ESRRG: variants seen among roughly 807,000 people sequenced by gnomAD.
ESRRG encodes the protein estrogen related receptor gamma.
Under a neutral mutation model 44.0 loss-of-function variants are expected in ESRRG, and 13 were observed. The observed-to-expected ratio is 0.30, with a 90% CI of 0.19 to 0.47. The LOEUF (loss-of-function observed/expected upper bound fraction) is 0.47, where lower values mean the gene tolerates loss of function less well. ESRRG is among the 20% of genes least tolerant of loss of function. The pLI, the probability that ESRRG is intolerant of heterozygous loss-of-function variation, is 1.00. For synonymous variants in ESRRG, 215 were observed against 214.6 expected (o/e 1.00, Z -0.02); for missense variants, 395 against 580.6 (o/e 0.68, Z 3.29).
chr1:216,703,623 G>A (rs2081871020), intron 1 of ESRRG, among the ~76,000 whole-genome samples: 2 of 151,002 alleles, frequency 1.3e-5, no homozygotes, highest in South Asian at 4.2e-4. Flanking sequence ...AATAGACAAT[G>A]GCTTTTTTTA....
rs869154870 is a variant in ESRRG, at chr1:217,002,332, AAAAG to A, written c.-105-62663_-105-62660del. On this transcript the variant is annotated intron_variant, in intron 1 of 7. Transcript: ENST00000359162. ...AAAAAAAAGAAAGAAAGAAAAAAAA[AAAAG>A]AAAGAAAGAAAAGAAAAGAAAGAAA... Among the ~76,000 whole-genome samples the A allele has an allele frequency of 1.5e-4, 17 of 113,702 alleles. 1 individual carries two copies. The highest frequency in any genetic ancestry group is 5.1e-4 in the Admixed American group (5 of 9,832). 74.6% of individuals were successfully genotyped at this position (113,702 alleles called of 152,430 possible). A position where few individuals can be genotyped will look rare whatever the true frequency, so the allele number is the denominator to read the frequency against.
At chr1:216,939,917 T>A (rs1211660650) in intron 1 of ESRRG, among the ~76,000 whole-genome samples, 1 of 152,176 alleles carries the variant, frequency 6.6e-6, no homozygotes, top group East Asian at 1.9e-4. Context: ...ATTTTAAGAT[T>A]TCTTCCTTCT....
chr1:216,741,439 C>T (rs1455638443), intron 2 of ESRRG, among the ~76,000 whole-genome samples: 2 of 146,804 alleles, frequency 1.4e-5, no homozygotes, highest in Non-Finnish European at 3.0e-5. Flanking sequence ...CGCCCCTGCA[C>T]ACACCCCAAA....
In ESRRG at chr1:216,723,341, C is replaced by T; in HGVS notation, c.-42G>A. ...TTATTTGTGCACCCCAGCTATAAAT[C>T]AAAGTTTCCTTGACAGAGCACAGTG... On this transcript the variant is annotated 5_prime_UTR_variant, in exon 1 of 7. Coordinates refer to ENST00000408911, the MANE Select transcript of ESRRG (RefSeq NM_001438.4). 6.3e-7 allele frequency: 1 copy of T among 1,599,360 alleles called. No individual in the cohort carries two copies. The highest frequency in any genetic ancestry group is 8.6e-7 in the Non-Finnish European group (1 of 1,166,546).
intron 3 of ESRRG, among the ~76,000 whole-genome samples, chr1:216,650,170 G>A (rs2068600317): frequency 6.6e-6 from 1 of 152,092 alleles, no homozygotes. Context: ...AATTCTAAAT[G>A]CAGCATGTAA....
intron 2 of ESRRG, among the ~76,000 whole-genome samples, chr1:216,755,957 A>T (rs1481163875): frequency 6.6e-6 from 1 of 152,024 alleles, no homozygotes; most frequent in Non-Finnish European, 1.5e-5. Flanking sequence ...CCCCCTGCAC[A>T]TTACAGGGAA....
At chr1:216,907,961 A>G (rs1442426221) in intron 2 of ESRRG, among the ~76,000 whole-genome samples, 2 of 152,070 alleles carry the variant, frequency 1.3e-5, no homozygotes, top group African/African-American at 2.4e-5. Context: ...GTCTATTTTT[A>G]TTAAGATTGT....
intron 5 of ESRRG, among the ~76,000 whole-genome samples, chr1:216,554,745 A>G (rs2057165630): frequency 6.6e-6 from 1 of 152,188 alleles, no homozygotes; most frequent in Non-Finnish European, 1.5e-5. Flanking sequence ...AGAAAAGAGA[A>G]TAATAAAAAT....
chr1:216,876,976 A>ATGGG (rs1553671871), intron 2 of ESRRG, among the ~76,000 whole-genome samples: 4 of 145,366 alleles, frequency 2.8e-5, no homozygotes, highest in Non-Finnish European at 4.5e-5. Flanking sequence ...CTCTTCACTA[A>ATGGG]TGTGTGTGTG....
intron 1 of ESRRG, among the ~76,000 whole-genome samples, chr1:216,682,592 C>A (rs1334138372): frequency 1.3e-5 from 2 of 152,124 alleles, no homozygotes; most frequent in African/African-American, 4.8e-5. Flanking sequence ...CTAATCACTA[C>A]TGATTCAAAA....
intron 1 of ESRRG, among the ~76,000 whole-genome samples, chr1:217,012,081 G>A (rs553721014): frequency 6.6e-5 from 10 of 152,186 alleles, no homozygotes; most frequent in Non-Finnish European, 7.4e-5. Context: ...TAAATGTAAA[G>A]TAATAAGTAA....
At chr1:216,960,719 G>A (rs2068871526) in intron 1 of ESRRG, among the ~76,000 whole-genome samples, 1 of 152,008 alleles carries the variant, frequency 6.6e-6, no homozygotes, top group Admixed American at 6.6e-5. Flanking sequence ...CTGAGTAGCT[G>A]GGACTATAGG....
chr1:216,839,854 CTTAAAATATT>C (rs1402435291), intron 2 of ESRRG, among the ~76,000 whole-genome samples: 1 of 152,148 alleles, frequency 6.6e-6, no homozygotes, highest in Non-Finnish European at 1.5e-5. Flanking sequence ...CAACAGTGGG[CTTAAAATATT>C]TAGTAAACCA....
intron 1 of ESRRG, among the ~76,000 whole-genome samples, chr1:217,035,547 C>T (rs539349392): frequency 6.6e-6 from 1 of 152,102 alleles, no homozygotes; most frequent in African/African-American, 2.4e-5. Context: ...CCAGCCCTTT[C>T]CAAATGTGTC....
At chr1:216,794,668 G>T (rs1205489734) in intron 2 of ESRRG, among the ~76,000 whole-genome samples, 1 of 152,164 alleles carries the variant, frequency 6.6e-6, no homozygotes, top group Admixed American at 6.5e-5. Flanking sequence ...TCCTCTGGGA[G>T]AGAGTTATTA....
chr1:217,009,456 T>C (rs1183323938), intron 1 of ESRRG, among the ~76,000 whole-genome samples: 1 of 152,148 alleles, frequency 6.6e-6, no homozygotes, highest in Non-Finnish European at 1.5e-5. Context: ...AAGCTCACGA[T>C]TTTATTTCAT....
chr1:216,546,415 G>C (rs1057423803), intron 5 of ESRRG, among the ~76,000 whole-genome samples: 1 of 152,014 alleles, frequency 6.6e-6, no homozygotes, highest in Non-Finnish European at 1.5e-5. Context: ...TCCTAAACTT[G>C]TTCCCAAGCA....
chr1:217,122,577 C>T (rs2092833513), intron 1 of ESRRG, among the ~76,000 whole-genome samples: 1 of 151,976 alleles, frequency 6.6e-6, no homozygotes, highest in Non-Finnish European at 1.5e-5. Context: ...GCTTCTTCAT[C>T]CGGTGGTTCT....
chr1:216,768,318 C>G (rs1185233104), intron 2 of ESRRG, among the ~76,000 whole-genome samples: 1 of 152,064 alleles, frequency 6.6e-6, no homozygotes, highest in Non-Finnish European at 1.5e-5. Flanking sequence ...GCTGTAATAT[C>G]CTAATATCTA....
Sources: gnomAD v4.1 joint callset for allele counts (sites outside exome capture counted in the v4.1 genomes callset) on GRCh38, gnomAD v4.1.1 for gene constraint, MANE v1.5 for transcripts, NCBI Gene and HGNC (gene_info 2026-07-23, HGNC 2026-07-21) for gene names.